PMEL: variants seen among roughly 807,000 people sequenced by gnomAD.
PMEL encodes melanocyte protein PMEL.
In PMEL, 53 loss-of-function variants were observed where a neutral mutation model predicts 64.9. The ratio of observed to expected loss-of-function variants is 0.82; its 90% CI spans 0.66 to 1.03. The LOEUF (loss-of-function observed/expected upper bound fraction) is 1.03, where lower values mean the gene tolerates loss of function less well. PMEL is among the 50% of genes least tolerant of loss of function. PMEL has a pLI of 0.00. For synonymous variants in PMEL, 299 were observed against 316.2 expected, an observed-to-expected ratio of 0.95 and a Z score of 0.58; for missense variants, 716 against 814.9, an observed-to-expected ratio of 0.88 and a Z score of 1.48.
At chr12:55,960,210 C>CAAAAAAAAAAAAAAA (rs56810428) in intron 3 of PMEL, among the ~76,000 whole-genome samples, 4 of 56,194 alleles carry the variant, frequency 7.1e-5, no homozygotes, top group African/African-American at 3.0e-4. Context: ...GACTCTGTCT[C>CAAAAAAAAAAAAAAA]AAAAAAAAAA....
chr12:55,954,396 G>T (rs1888753545), intron 10 of PMEL, 47 bp from the exon 11 acceptor site: 1 of 1,601,618 alleles, frequency 6.2e-7, no homozygotes, highest in Non-Finnish European at 8.5e-7. Flanking sequence ...GACAAAGGTA[G>T]CTTGTCTGTG....
At chr12:55,960,218 A>G (rs1218386237) in intron 3 of PMEL, among the ~76,000 whole-genome samples, 6 of 149,910 alleles carry the variant, frequency 4.0e-5, no homozygotes, top group East Asian at 1.9e-4. Context: ...CTCAAAAAAA[A>G]AAAAAAAGAA....
chr12:55,962,697 T>C (rs1889150948), intron 1 of PMEL, among the ~76,000 whole-genome samples: 1 of 151,042 alleles, frequency 6.6e-6, no homozygotes, highest in Admixed American at 6.6e-5. Context: ...CTAATTTTTG[T>C]ATTTTTAGTT....
In PMEL at chr12:55,957,379, G is replaced by A. The variant is rs1272715933; in HGVS notation, c.924C>T (p.Gly308=). 1 of 1,597,946 alleles carries A rather than the reference G, an allele frequency of 6.3e-7. No individual in the cohort carries two copies. Among genetic ancestry groups the A allele is most frequent in the South Asian group, 1.1e-5 (1 of 88,356 alleles). Residue 308 remains glycine (G), a synonymous_variant, in exon 6 of 11, where the codon GGC becomes GGT. Transcript: ENST00000548747. ...CAGTTGGCCTGTGCCCATCTGTGGT[G>A]CCTGGAACTGGGGAGGAGCCACAGG... The part of the protein sequence containing the change: ...LTSCGSSPVP[G]TTDGHRPTAE...
At chr12:55,958,258 A>G in intron 4 of PMEL, 174 bp from the exon 5 acceptor site, 1 of 774,138 alleles carries the variant, frequency 1.3e-6, no homozygotes, top group East Asian at 2.7e-5. Flanking sequence ...GAGGCATTCC[A>G]TGGGGTAGGA....
In PMEL at chr12:55,956,159, G is replaced by A. The variant is rs1408003851; in HGVS notation, c.1415C>T (p.Pro472Leu). The A allele has an allele frequency of 2.5e-6, 4 of 1,614,128 alleles. No individual in the cohort carries two copies. Among genetic ancestry groups the A allele is most frequent in the East Asian group, 2.2e-5 (1 of 44,882 alleles). ...ATATCGATACAGAACACAATCCAGG[G>A]GGACTTGTCTCTTCACCAGCCTTAA... ...ATLRLVKRQV[P>L]LDCVLYRYGS... The change falls in exon 7 of 11, where the codon CCC becomes CTC. Residue 472 changes from proline to leucine, a missense_variant. Coordinates refer to ENST00000548747, the MANE Select transcript of PMEL (RefSeq NM_001384361.1).
In PMEL at chr12:55,956,978, C is replaced by T. The variant is rs1260480442; in HGVS notation, c.1325G>A (p.Ser442Asn). Reference sequence around the variant, plus strand: ...AATACTTTCCGTAGACATGATTGAGCTGGCATCTGGACCTTCAGGCTCAGG... The same window carrying T: ...AATACTTTCCGTAGACATGATTGAGTTGGCATCTGGACCTTCAGGCTCAGG... The part of the protein sequence containing the change: ...PIPEPEGPDA[S>N]SIMSTESITG... The change falls in exon 6 of 11, where the codon AGC becomes AAC. Residue 442 changes from serine to asparagine, a missense_variant. By Grantham distance (46) the Ser-to-Asn change is conservative. Transcript: ENST00000548747. The T allele has an allele frequency of 3.1e-6, 5 of 1,614,194 alleles. No individual in the cohort carries two copies. The highest frequency in any genetic ancestry group is 3.4e-6 in the Non-Finnish European group (4 of 1,180,016).
At chr12:55,956,011 GGTGA>G (rs1328466772) in intron 7 of PMEL, 88 bp downstream of exon 7, 2 of 1,099,086 alleles carry the variant, frequency 1.8e-6, no homozygotes, top group Non-Finnish European at 2.8e-6. Flanking sequence ...TTCCTATCTA[GGTGA>G]GTAATTCCTC....
At position 55,955,523 on chromosome 12, in the gene PMEL, T is replaced by A. The variant is rs756955576; in HGVS notation, c.1703A>T (p.Asn568Ile). ...GCTGTTGGTATCAGCCAGAGACACA[T>A]TGAGGCAGTATGTCCCCGAGCCACC... Reference protein sequence around the residue: ...LKGGSGTYCLNVSLADTNSLA... With the variant: ...LKGGSGTYCLIVSLADTNSLA... The change falls in exon 9 of 11, where the codon AAT becomes ATT. Residue 568 changes from asparagine (N) to isoleucine (I), a missense_variant. Coordinates refer to ENST00000548747, the MANE Select transcript of PMEL (RefSeq NM_001384361.1). 2 of 1,614,092 alleles carry A rather than the reference T, an allele frequency of 1.2e-6. No individual in the cohort carries two copies. Among genetic ancestry groups the A allele is most frequent in the South Asian group, 2.2e-5 (2 of 91,080 alleles).
intron 3 of PMEL, among the ~76,000 whole-genome samples, chr12:55,960,138 G>A (rs1284143102): frequency 6.7e-6 from 1 of 149,288 alleles, no homozygotes; most frequent in Non-Finnish European, 1.5e-5. Flanking sequence ...TTGAACCCAG[G>A]AGGCAGAGGT....
At chr12:55,956,555 C>T in intron 6 of PMEL, 1 of 313,028 alleles carries the variant, frequency 3.2e-6, no homozygotes, top group African/African-American at 2.1e-5. Flanking sequence ...TCCCTTTTTG[C>T]TTTGGGATGG....
chr12:55,961,121 C>CGT (rs984259019), intron 3 of PMEL, 196 bp downstream of exon 3: 3 of 498,320 alleles, frequency 6.0e-6, no homozygotes, highest in African/African-American at 5.9e-5. Flanking sequence ...AGGAGAATGG[C>CGT]GTGAACCCGG....
Position 55,955,669 on chromosome 12 carries a change from C to A in PMEL, c.1557G>T (p.Gly519=). ...TCTCCATGCAGGCTTCCTTGGGCAG[C>A]CTGGAAGAAGTGTCAGCATATATAA... is the stretch of plus-strand genomic sequence containing the variant. The part of the protein sequence containing the change: ...AFELTVSCQG[G]LPKEACMEIS... The change falls in exon 9 of 11, where the codon GGG becomes GGT. Residue 519 remains glycine, a splice_region_variant and synonymous_variant. Coordinates refer to ENST00000548747, the MANE Select transcript of PMEL (RefSeq NM_001384361.1). 6.2e-7 allele frequency: 1 copy of A among 1,612,076 alleles called. No individual in the cohort carries two copies.
upstream of PMEL, chr12:55,966,647 A>T: frequency 9.5e-7 from 1 of 1,055,030 alleles, no homozygotes; most frequent in Non-Finnish European, 1.1e-6. Context: ...CCGGGGAAGA[A>T]ACTTGTCTAG....
rs200721518 is a variant in PMEL, at chr12:55,958,059, G to A, written c.495C>T (p.Gly165=). 142 of 1,614,132 alleles carry A rather than the reference G, an allele frequency of 8.8e-5. 2 individuals carry two copies. The East Asian group carries it at 3.1e-3, about 35-fold the overall frequency. ...TWGQYWQVLG[G]PVSGLSIGTG... is the part of the protein sequence containing the mutation. Reference sequence around the variant, plus strand: ...TCCCAATGCTCAGCCCAGACACTGGGCCCCCTAGAACTTGCCAGTATTGGC... The same window carrying A: ...TCCCAATGCTCAGCCCAGACACTGGACCCCCTAGAACTTGCCAGTATTGGC... The change falls in exon 5 of 11, where the codon GGC becomes GGT. Residue 165 remains glycine (G), a synonymous_variant. Transcript: ENST00000548747.
At chr12:55,955,219 G>T in intron 10 of PMEL, 55 bp downstream of exon 10, 1 of 1,265,592 alleles carries the variant, frequency 7.9e-7, no homozygotes, top group Non-Finnish European at 1.2e-6. Context: ...TTGAGGAAAA[G>T]TGAGTAGTGA....
chr12:55,955,358 T>C lies in PMEL; in HGVS notation c.1766A>G (p.Gln589Arg), dbSNP rs989113331. Residue 589 changes from glutamine (Q) to arginine (R), a missense_variant, in exon 10 of 11, where the codon CAA (glutamine) becomes CGA (arginine). By Grantham distance (43) the Gln-to-Arg change is conservative. Transcript: ENST00000548747. ...CGGAACCTGCCCAAGGCCTGCTTCT[T>C]GACCTGTGAGAAGAATCCCAGGCAC... ...VVSTQLIMPG[Q>R]EAGLGQVPLI... 18 of 1,614,142 alleles carry C rather than the reference T, an allele frequency of 1.1e-5. No individual in the cohort carries two copies. The highest frequency in any genetic ancestry group is 1.5e-5 in the Non-Finnish European group (18 of 1,179,978).
chr12:55,957,458 T>G lies in PMEL; in HGVS notation c.845A>C (p.Glu282Ala), dbSNP rs1207991612. 6.2e-7 allele frequency: 1 copy of G among 1,613,592 alleles called. No homozygotes were observed. Among genetic ancestry groups the G allele is most frequent in the Admixed American group, 1.7e-5 (1 of 59,966 alleles). Reference protein sequence around the residue: ...RALVVTHTYLEPGPVTAQVVL... With the variant: ...RALVVTHTYLAPGPVTAQVVL... ...CACCTGGGCAGTGACTGGGCCAGGC[T>G]CCAGGTAAGTATGAGTGACCACAAG... Residue 282 changes from glutamate (E) to alanine (A), a missense_variant, in exon 6 of 11, where the codon GAG becomes GCG. Transcript: ENST00000548747.
At chr12:55,961,217 A>C in intron 3 of PMEL, 100 bp downstream of exon 3, 3 of 1,211,120 alleles carry the variant, frequency 2.5e-6, no homozygotes, top group Non-Finnish European at 3.5e-6. Context: ...AAAAGAAAAA[A>C]AAAAAAAAGT....
Sources: gnomAD v4.1 joint callset for allele counts (sites outside exome capture counted in the v4.1 genomes callset) on GRCh38, gnomAD v4.1.1 for gene constraint, MANE v1.5 for transcripts, NCBI Gene and HGNC (gene_info 2026-07-23, HGNC 2026-07-21) for gene names.